The following XPR1 variants were observed in gnomAD, a reference collection of about 807,000 sequenced individuals.
The protein encoded by XPR1 is solute carrier family 53 member 1.
A neutral mutation model predicts 87.5 loss-of-function variants in XPR1; 28 were observed. The observed-to-expected ratio is 0.32, with a 90% confidence interval of 0.24 to 0.44. The LOEUF (loss-of-function observed/expected upper bound fraction) is 0.44, where lower values mean the gene tolerates loss of function less well. Ranked by LOEUF, XPR1 falls within the 20% of genes least tolerant of loss-of-function variation. The probability of loss-of-function intolerance (pLI) is 1.00; values close to 1 mark genes in which losing one functional copy is unlikely to be tolerated. For synonymous variants in XPR1, 300 were observed against 306.1 expected, an observed-to-expected ratio of 0.98 and a Z score of 0.21; for missense variants, 559 against 862.3, an observed-to-expected ratio of 0.65 and a Z score of 4.41.
At chr1:180,727,943 G>C (rs1658411349) in intron 2 of XPR1, among the ~76,000 whole-genome samples, 1 of 152,098 alleles carries the variant, frequency 6.6e-6, no homozygotes, top group African/African-American at 2.4e-5. Context: ...CTTCTTTACT[G>C]CAACCTGTTT....
chr1:180,821,784 T>G (rs1421083140), intron 7 of XPR1, among the ~76,000 whole-genome samples: 1 of 152,224 alleles, frequency 6.6e-6, no homozygotes, highest in Non-Finnish European at 1.5e-5. Context: ...TTTTATTCTT[T>G]TGAATGCTAT....
intron 1 of XPR1, among the ~76,000 whole-genome samples, chr1:180,659,192 GTCTTCCTT>G (rs1190212080): frequency 9.4e-6 from 1 of 106,524 alleles, no homozygotes; most frequent in Non-Finnish European, 1.8e-5. Flanking sequence ...CCTGTAGTCA[GTCTTCCTT>G]CCTTCCTTCC....
intron 1 of XPR1, among the ~76,000 whole-genome samples, chr1:180,648,436 A>G (rs1655190072): frequency 1.3e-5 from 2 of 152,256 alleles, no homozygotes; most frequent in Admixed American, 6.5e-5. Flanking sequence ...CTAAAAATAC[A>G]GAAATGCAAA....
intron 2 of XPR1, among the ~76,000 whole-genome samples, chr1:180,711,210 G>A (rs1250423972): frequency 1.3e-5 from 2 of 151,628 alleles, no homozygotes; most frequent in African/African-American, 4.9e-5. Context: ...CCCAGACAGG[G>A]TGGCGGCCGG....
At chr1:180,738,739 C>G (rs537934588) in intron 2 of XPR1, among the ~76,000 whole-genome samples, 12 of 152,210 alleles carry the variant, frequency 7.9e-5, no homozygotes, top group African/African-American at 2.4e-4. Context: ...TTTCTGTGTT[C>G]TCACTCTTGA....
intron 2 of XPR1, among the ~76,000 whole-genome samples, chr1:180,734,031 A>G (rs1278262929): frequency 6.6e-6 from 1 of 152,204 alleles, no homozygotes; most frequent in Non-Finnish European, 1.5e-5. Context: ...AGATTAGAGT[A>G]TCTTCTTCAG....
At chr1:180,757,011 T>C (rs1647775527) in intron 2 of XPR1, among the ~76,000 whole-genome samples, 2 of 152,216 alleles carry the variant, frequency 1.3e-5, no homozygotes, top group South Asian at 4.1e-4. Context: ...TTCGTTGACC[T>C]ATGTTTATTC....
At chr1:180,715,132 C>T (rs1011937880) in intron 2 of XPR1, among the ~76,000 whole-genome samples, 1 of 152,132 alleles carries the variant, frequency 6.6e-6, no homozygotes, top group African/African-American at 2.4e-5. Context: ...GGTTTGGATA[C>T]TACTAAGTAT....
intron 1 of XPR1, among the ~76,000 whole-genome samples, chr1:180,663,188 A>G (rs148783736): frequency 1.3e-5 from 2 of 152,028 alleles, no homozygotes; most frequent in Non-Finnish European, 2.9e-5. Flanking sequence ...GAGTTTGTGG[A>G]TTGTTCGTTG....
At chr1:180,882,191 C>T (rs1043565570) in intron 14 of XPR1, among the ~76,000 whole-genome samples, 3 of 152,072 alleles carry the variant, frequency 2.0e-5, no homozygotes, top group African/African-American at 7.2e-5. Context: ...AGGTGTTTAA[C>T]GGAGAAACTC....
intron 2 of XPR1, among the ~76,000 whole-genome samples, chr1:180,728,091 C>G (rs569789454): frequency 1.3e-5 from 2 of 152,262 alleles, no homozygotes; most frequent in South Asian, 4.1e-4. Flanking sequence ...GATGGAGTTG[C>G]TCTGGTTCAC....
At chr1:180,739,848 C>G (rs1363836781) in intron 2 of XPR1, among the ~76,000 whole-genome samples, 1 of 152,024 alleles carries the variant, frequency 6.6e-6, no homozygotes, top group African/African-American at 2.4e-5. Flanking sequence ...TCAAGCGATT[C>G]TCCCATCTTA....
chr1:180,658,116 T>G (rs1450465628), intron 1 of XPR1, among the ~76,000 whole-genome samples: 1 of 152,262 alleles, frequency 6.6e-6, no homozygotes, highest in Non-Finnish European at 1.5e-5. Flanking sequence ...GAAATGCTAC[T>G]GATTTTTGCA....
At chr1:180,753,201 A>G (rs1368092445) in intron 2 of XPR1, among the ~76,000 whole-genome samples, 3 of 152,212 alleles carry the variant, frequency 2.0e-5, no homozygotes, top group Non-Finnish European at 4.4e-5. Context: ...AGGACCTAGC[A>G]TGTCGTAGAA....
At chr1:180,684,002 A>G (rs1656677678) in intron 2 of XPR1, among the ~76,000 whole-genome samples, 1 of 152,080 alleles carries the variant, frequency 6.6e-6, no homozygotes, top group African/African-American at 2.4e-5. Flanking sequence ...TTTTGTTGCC[A>G]TTGCTTTTGG....
chr1:180,847,989 A>G (rs1436494043), intron 11 of XPR1, among the ~76,000 whole-genome samples: 1 of 152,160 alleles, frequency 6.6e-6, no homozygotes, highest in Non-Finnish European at 1.5e-5. Context: ...CATAATTCTG[A>G]AAAATATCAC....
chr1:180,880,931 G>A (rs1257791668), intron 14 of XPR1, among the ~76,000 whole-genome samples: 1 of 152,172 alleles, frequency 6.6e-6, no homozygotes. Flanking sequence ...AGAGACAATA[G>A]ATAGCACAGT....
chr1:180,754,682 G>C (rs1212465398), intron 2 of XPR1, among the ~76,000 whole-genome samples: 1 of 151,930 alleles, frequency 6.6e-6, no homozygotes, highest in East Asian at 1.9e-4. Context: ...GGCTGGTCTT[G>C]AGCTCCTGGG....
chr1:180,811,649 T>G (rs1457112629), intron 7 of XPR1, among the ~76,000 whole-genome samples, 161 bp downstream of exon 7: 1 of 152,186 alleles, frequency 6.6e-6, no homozygotes, highest in African/African-American at 2.4e-5. Flanking sequence ...TTTTTAGTTG[T>G]TTGTTTTGTT....
Sources: gnomAD v4.1 joint callset for allele counts (sites outside exome capture counted in the v4.1 genomes callset) on GRCh38, gnomAD v4.1.1 for gene constraint, MANE v1.5 for transcripts, NCBI Gene and HGNC (gene_info 2026-07-23, HGNC 2026-07-21) for gene names.